The following CACNA1B variants were observed in gnomAD, a reference collection of about 807,000 sequenced individuals.
The protein encoded by CACNA1B is voltage-dependent N-type calcium channel subunit alpha-1B.
CACNA1B carries 70 observed loss-of-function variants against 247.2 expected under a neutral mutation model. The observed-to-expected ratio is 0.28, with a 90% confidence interval of 0.23 to 0.35. The LOEUF is 0.35. Ranked by LOEUF, CACNA1B falls within the 10% of genes least tolerant of loss-of-function variation. The pLI is 1.00. For missense variants in CACNA1B, 2,367 were observed against 3,197.4 expected (o/e 0.74, Z 6.26); for synonymous variants, 1,231 against 1,294.4 (o/e 0.95, Z 1.05).
chr9:138,022,900 C>T, intron 18 of CACNA1B, 111 bp from the exon 19 acceptor site: 4 of 1,334,444 alleles, frequency 3.0e-6, no homozygotes, highest in Non-Finnish European at 3.9e-6. Flanking sequence ...CGCGGCCACG[C>T]CTCCCACCTC....
intron 34 of CACNA1B, among the ~76,000 whole-genome samples, chr9:138,074,886 G>T (rs182814214): frequency 1.8e-3 from 270 of 152,368 alleles, no homozygotes; most frequent in African/African-American, 6.2e-3. Context: ...GGGGTTACAT[G>T]CTACTGGGGA....
chr9:137,937,992 C>G (rs1957689853), intron 6 of CACNA1B, among the ~76,000 whole-genome samples: 1 of 130,892 alleles, frequency 7.6e-6, no homozygotes, highest in African/African-American at 2.8e-5. Context: ...AAAGGAAAGA[C>G]TCTTAAGAGC....
At chr9:137,924,355 C>T (rs1957527100) in intron 6 of CACNA1B, among the ~76,000 whole-genome samples, 1 of 150,166 alleles carries the variant, frequency 6.7e-6, no homozygotes, top group South Asian at 2.1e-4. Context: ...TTCCCTCCCT[C>T]CTTCCCTCCC....
Position 138,072,382 on chromosome 9 carries a change from G to C in CACNA1B, c.4675-1106G>C, listed in dbSNP as rs995018770. Among the ~76,000 whole-genome samples, 3 of 152,184 alleles carry C rather than the reference G, an allele frequency of 2.0e-5. No individual in the cohort carries two copies. The highest frequency in any genetic ancestry group is 2.9e-5 in the Non-Finnish European group (2 of 68,022). On this transcript the variant is annotated intron_variant, in intron 32 of 46. Coordinates refer to ENST00000371372, the MANE Select transcript of CACNA1B (RefSeq NM_000718.4). This position sits in a 1 kb window ranked among gnomAD's most constrained non-coding sequence, Gnocchi z 4.5. The stretch of plus-strand genomic sequence containing the variant: ...CACTGACACCTCATTCCCACCTAAC[G>C]GTAGCCCTGGAGAGTCGGGATGCTC...
At chr9:138,000,013 A>G (rs1222539044) in intron 15 of CACNA1B, among the ~76,000 whole-genome samples, 3 of 152,194 alleles carry the variant, frequency 2.0e-5, no homozygotes, top group African/African-American at 7.2e-5. Context: ...GGGAGTCGTA[A>G]CTATAGGAAA....
At chr9:138,029,636 GGTCTCGCTCT>G (rs1958964236) in intron 20 of CACNA1B, among the ~76,000 whole-genome samples, 1 of 146,584 alleles carries the variant, frequency 6.8e-6, no homozygotes, top group Non-Finnish European at 1.5e-5. Flanking sequence ...TTCCAGACAG[GGTCTCGCTCT>G]GTCGCCCAGG....
At chr9:137,959,079 AT>A (rs962894296) in intron 10 of CACNA1B, among the ~76,000 whole-genome samples, 4 of 151,386 alleles carry the variant, frequency 2.6e-5, no homozygotes, top group Admixed American at 6.6e-5. Context: ...TATTTAATTA[AT>A]TTTTTTTTGA....
chr9:138,023,848 G>A, intron 19 of CACNA1B, 37 bp downstream of exon 19: 1 of 1,068,376 alleles, frequency 9.4e-7, no homozygotes, highest in African/African-American at 1.6e-5. Context: ...GGAGGGAAGG[G>A]TTGGCCGGGG....
chr9:137,894,372 C>T (rs944599763), intron 3 of CACNA1B, among the ~76,000 whole-genome samples: 1 of 148,624 alleles, frequency 6.7e-6, no homozygotes, highest in Non-Finnish European at 1.5e-5. Flanking sequence ...TCTGCATTTC[C>T]ATGATATTGG....
rs1959298401 is a variant in CACNA1B, at chr9:138,051,975, C to A, written c.3711-117C>A. On this transcript the variant is annotated intron_variant, in intron 24 of 46. Coordinates refer to ENST00000371372, the MANE Select transcript of CACNA1B (RefSeq NM_000718.4). This position sits in a 1 kb window ranked among gnomAD's most constrained non-coding sequence, Gnocchi z 4.3. ...GGCCTCTCTGCTCCTGGGTCCTCCACCCTGGAGTCTGAGACAAAATGCACA... is the reference window on the plus strand; with the variant it reads ...GGCCTCTCTGCTCCTGGGTCCTCCAACCTGGAGTCTGAGACAAAATGCACA... 5 of 634,026 alleles carry A rather than the reference C, an allele frequency of 7.9e-6. No individual in the cohort carries two copies. The highest frequency in any genetic ancestry group is 1.4e-5 in the Non-Finnish European group (5 of 347,706). The allele number at this position is 634,026 out of a possible 1,614,324, so 39.3% of individuals were successfully genotyped here. A position where few individuals can be genotyped will look rare whatever the true frequency, so the allele number is the denominator to read the frequency against.
In CACNA1B at chr9:137,904,540, A is replaced by C. The variant is rs1051185605; in HGVS notation, c.531-8640A>C. Among the ~76,000 whole-genome samples the C allele has an allele frequency of 2.0e-5, 3 of 148,344 alleles. No homozygotes were observed. The East Asian group carries it at 6.0e-4, about 29-fold the overall frequency. ...CCACCATGCCTGGCTAATTAAAAAA[A>C]TTTTTTTTTTGTAGAGATGGGTCTC... On this transcript the variant is annotated intron_variant, in intron 3 of 46. Transcript: ENST00000371372.
At chr9:138,065,240 T>C (rs1959874987) in intron 31 of CACNA1B, among the ~76,000 whole-genome samples, 1 of 152,178 alleles carries the variant, frequency 6.6e-6, no homozygotes, top group Non-Finnish European at 1.5e-5. Flanking sequence ...CTGCCACACA[T>C]ACCCGTTATA....
intron 37 of CACNA1B, among the ~76,000 whole-genome samples, chr9:138,097,818 GT>G (rs1175855787): frequency 6.6e-6 from 1 of 152,212 alleles, no homozygotes; most frequent in Non-Finnish European, 1.5e-5. Flanking sequence ...GTTCTGCCTG[GT>G]TTTGCTTAAA....
At chr9:137,931,250 A>G (rs917667938) in intron 6 of CACNA1B, among the ~76,000 whole-genome samples, 1 of 142,944 alleles carries the variant, frequency 7.0e-6, no homozygotes, top group Non-Finnish European at 1.5e-5. Context: ...TAAACGGCTC[A>G]AGAGCCCTGG....
chr9:138,059,673 G>A lies in CACNA1B; in HGVS notation c.4604G>A (p.Trp1535Ter), dbSNP rs1467255429. 1 of 1,605,878 alleles carries A rather than the reference G, an allele frequency of 6.2e-7. No individual in the cohort carries two copies. ...FGVLNYFRDA[W>*]NVFDFVTVLG... ...CTCTAGAACTATTTCAGAGATGCCT[G>A]GAATGTCTTTGACTTTGTCACTGTG... Residue 1535 changes from tryptophan (W) to a stop codon, truncating the protein, a stop_gained, in exon 31 of 47, where the codon TGG becomes TAG. Transcript: ENST00000371372. LOFTEE classifies it high-confidence loss of function. The surrounding 1 kb of genome is among the most constrained non-coding windows in gnomAD (Gnocchi z 4.2).
At chr9:138,009,305 G>A (rs1958694756) in intron 16 of CACNA1B, among the ~76,000 whole-genome samples, 1 of 152,240 alleles carries the variant, frequency 6.6e-6, no homozygotes, top group Admixed American at 6.5e-5. Context: ...TGCAGTCCCA[G>A]GAACCAGATC....
intron 37 of CACNA1B, 134 bp downstream of exon 37, chr9:138,096,745 C>G (rs1260979456): frequency 1.3e-6 from 1 of 770,320 alleles, no homozygotes; most frequent in Non-Finnish European, 2.0e-6. Context: ...GGGATCTGTC[C>G]TGTTTCGTGT....
intron 15 of CACNA1B, among the ~76,000 whole-genome samples, chr9:138,000,029 AT>A (rs532450693): frequency 6.6e-6 from 1 of 151,688 alleles, no homozygotes; most frequent in African/African-American, 2.4e-5. Context: ...GGAAAATGAG[AT>A]TTTTTTTTAA....
intron 20 of CACNA1B, among the ~76,000 whole-genome samples, chr9:138,038,952 A>G (rs58810321): frequency 0.044 from 6,711 of 152,192 alleles, 507 homozygotes; most frequent in African/African-American, 0.15. Context: ...TGGGAGGCCA[A>G]TGTGGGTGGA....
Sources: allele counts gnomAD v4.1 joint callset (sites outside exome capture counted in the v4.1 genomes callset), GRCh38; gene constraint gnomAD v4.1.1; non-coding constraint Gnocchi (gnomAD v3.1); transcripts MANE v1.5; gene names NCBI Gene and HGNC (gene_info 2026-07-23, HGNC 2026-07-21).